MAST4: variants seen among roughly 807,000 people sequenced by gnomAD.
The protein encoded by MAST4 is microtubule associated serine/threonine kinase family member 4, also known as microtubule-associated serine/threonine-protein kinase 4.
In MAST4, 89 loss-of-function variants were observed where a neutral mutation model predicts 162.7. That is an observed-to-expected ratio of 0.55 (90% CI 0.46 to 0.65). MAST4 has a LOEUF of 0.65. MAST4 is among the 30% of genes least tolerant of loss of function. The probability of loss-of-function intolerance (pLI) is 0.00; values close to 1 mark genes in which losing one functional copy is unlikely to be tolerated. For missense variants in MAST4, 3,153 were observed against 3,374.0 expected (o/e 0.93, Z 1.62); for synonymous variants, 1,479 against 1,361.1 (o/e 1.09, Z -1.91).
At chr5:66,791,466 TGAGAA>T (rs1755404207) in intron 3 of MAST4, among the ~76,000 whole-genome samples, 1 of 152,182 alleles carries the variant, frequency 6.6e-6, no homozygotes, top group Non-Finnish European at 1.5e-5. Flanking sequence ...ATAGAAAACA[TGAGAA>T]GAGTACCTCC....
intron 19 of MAST4, among the ~76,000 whole-genome samples, chr5:67,141,757 C>G (rs1770434337): frequency 6.6e-6 from 1 of 152,168 alleles, no homozygotes; most frequent in African/African-American, 2.4e-5. Context: ...TAGAATTTCT[C>G]TGGGTTTTTA....
intron 1 of MAST4, among the ~76,000 whole-genome samples, chr5:66,747,667 G>T (rs1752853292): frequency 6.6e-6 from 1 of 152,172 alleles, no homozygotes; most frequent in Non-Finnish European, 1.5e-5. Context: ...GGTCATCTCA[G>T]CAAGGTGACG....
At chr5:66,676,590 A>G (rs1365018476) in intron 1 of MAST4, among the ~76,000 whole-genome samples, 2 of 152,216 alleles carry the variant, frequency 1.3e-5, no homozygotes, top group African/African-American at 4.8e-5. Flanking sequence ...ATAGAGAGCA[A>G]TATGAGACAG....
intron 3 of MAST4, among the ~76,000 whole-genome samples, chr5:66,864,171 T>A (rs1181840656): frequency 1.3e-5 from 2 of 151,382 alleles, no homozygotes; most frequent in African/African-American, 4.8e-5. Flanking sequence ...ACATATACAG[T>A]ATTATGTCCA....
chr5:67,149,692 T>C, intron 24 of MAST4, 103 bp downstream of exon 24: 1 of 1,130,282 alleles, frequency 8.8e-7, no homozygotes, highest in East Asian at 2.5e-5. Context: ...TTGCTTGAAG[T>C]AATAACGGGT....
chr5:67,090,010 C>T (rs886687360), intron 5 of MAST4, among the ~76,000 whole-genome samples, 152 bp from the exon 6 acceptor site: 2 of 152,128 alleles, frequency 1.3e-5, no homozygotes, highest in African/African-American at 4.8e-5. Flanking sequence ...CCGCCCACCC[C>T]ACCATCCCTG....
At chr5:66,982,894 A>C (rs189323925) in intron 4 of MAST4, among the ~76,000 whole-genome samples, 180 of 152,342 alleles carry the variant, frequency 1.2e-3, no homozygotes, top group Non-Finnish European at 2.0e-3. Flanking sequence ...TTACACAACT[A>C]TACAGGGTTC....
At chr5:67,009,858 G>T (rs1159277560) in intron 4 of MAST4, among the ~76,000 whole-genome samples, 1 of 152,126 alleles carries the variant, frequency 6.6e-6, no homozygotes, top group Non-Finnish European at 1.5e-5. Flanking sequence ...AAAAGATTTT[G>T]CAGGGCTAGA....
At position 66,829,553 on chromosome 5, in the gene MAST4, G is replaced by A. The variant is rs992616782; in HGVS notation, c.642+40759G>A. The stretch of plus-strand genomic sequence containing the variant: ...ACAACAACAACAAAACATCTGCTTG[G>A]CAGTTTATAAGTTTAAGGAAGCCAG... On this transcript the variant is annotated intron_variant, in intron 3 of 28. Coordinates refer to ENST00000403625, the MANE Select transcript of MAST4 (RefSeq NM_001164664.2). Among the ~76,000 whole-genome samples, 40 of 152,072 alleles carry A rather than the reference G, an allele frequency of 2.6e-4. 1 individual carries two copies. Among genetic ancestry groups the A allele is most frequent in the Non-Finnish European group, 5.9e-5 (4 of 68,016 alleles).
intron 3 of MAST4, among the ~76,000 whole-genome samples, chr5:66,881,428 T>A (rs972398968): frequency 1.3e-5 from 2 of 152,244 alleles, no homozygotes; most frequent in African/African-American, 4.8e-5. Flanking sequence ...AGGAAAATTA[T>A]ATTCAGTCCA....
chr5:67,070,441 C>G (rs927667814), intron 5 of MAST4, among the ~76,000 whole-genome samples: 2 of 152,168 alleles, frequency 1.3e-5, no homozygotes, highest in Non-Finnish European at 2.9e-5. Flanking sequence ...GCCTATCTAA[C>G]CTGAATTCTG....
rs1554084489 is a variant in MAST4, at chr5:67,033,315, C to CTCTGTGTGTGTGTGTGTG, written c.675-21088_675-21087insCTGTGTGTGTGTGTGTGT. 1.4e-3 allele frequency among the ~76,000 whole-genome samples: 179 copies of CTCTGTGTGTGTGTGTGTG among 125,986 alleles called. 2 individuals carry two copies. Among genetic ancestry groups the CTCTGTGTGTGTGTGTGTG allele is most frequent in the African/African-American group, 4.9e-3 (159 of 32,280 alleles). 82.7% of individuals were successfully genotyped at this position (125,986 alleles called of 152,430 possible). A position where few individuals can be genotyped will look rare whatever the true frequency, so the allele number is the denominator to read the frequency against. ...ATTACTTTTTTGGGTTTTCATTTCT[C>CTCTGTGTGTGTGTGTGTG]TGTGTGTGTGTGTGTGTGTGTGTGT... On this transcript the variant is annotated intron_variant, in intron 4 of 28. Coordinates refer to ENST00000403625, the MANE Select transcript of MAST4 (RefSeq NM_001164664.2).
At chr5:66,980,483 T>C (rs999612347) in intron 4 of MAST4, among the ~76,000 whole-genome samples, 33 of 152,346 alleles carry the variant, frequency 2.2e-4, no homozygotes, top group African/African-American at 7.9e-4. Context: ...GGAAACAGGA[T>C]TGATCCCACT....
chr5:66,784,062 G>C (rs1754998586), intron 2 of MAST4, among the ~76,000 whole-genome samples: 1 of 152,014 alleles, frequency 6.6e-6, no homozygotes, highest in Non-Finnish European at 1.5e-5. Context: ...CCTTGACTTT[G>C]ATGTTGAGAT....
rs1754780245 is a variant in MAST4 at position 66,779,973 on chromosome 5, T to C, written c.518-8697T>C. Among the ~76,000 whole-genome samples the C allele has an allele frequency of 1.3e-5, 2 of 152,202 alleles. 1 individual carries two copies. Among genetic ancestry groups the C allele is most frequent in the South Asian group, 4.1e-4 (2 of 4,828 alleles). On this transcript the variant is annotated intron_variant, in intron 2 of 28. Coordinates refer to ENST00000403625, the MANE Select transcript of MAST4 (RefSeq NM_001164664.2). The stretch of plus-strand genomic sequence containing the variant: ...TTATAGTTAATGTGGATACCTCCTT[T>C]TGGACAACAAAAAGGATCCTCTTAT...
intron 1 of MAST4, among the ~76,000 whole-genome samples, chr5:66,661,149 C>G (rs1317372976): frequency 6.6e-6 from 1 of 152,124 alleles, no homozygotes; most frequent in Admixed American, 6.5e-5. Context: ...AGTGGCTTTA[C>G]CCTAATAGAG....
intron 1 of MAST4, among the ~76,000 whole-genome samples, chr5:66,738,576 A>C (rs1329695144): frequency 6.6e-6 from 1 of 152,218 alleles, no homozygotes; most frequent in African/African-American, 2.4e-5. Flanking sequence ...CCAGCAAGTA[A>C]AATGTGCAGT....
At position 67,031,684 on chromosome 5, in the gene MAST4, G is replaced by A. The variant is rs906178444; in HGVS notation, c.675-22720G>A. Among the ~76,000 whole-genome samples the A allele has an allele frequency of 1.4e-4, 21 of 152,170 alleles. 1 individual carries two copies. The highest frequency in any genetic ancestry group is 1.5e-5 in the Non-Finnish European group (1 of 68,006). On this transcript the variant is annotated intron_variant, in intron 4 of 28. Transcript: ENST00000403625. The stretch of plus-strand genomic sequence containing the variant: ...TGATTGTGCTGATCTGTTAGCTGGA[G>A]AAAGAGCAGGAATCATCTTGTTCCC...
At chr5:66,739,546 C>T (rs562974255) in intron 1 of MAST4, among the ~76,000 whole-genome samples, 2 of 152,290 alleles carry the variant, frequency 1.3e-5, no homozygotes, top group African/African-American at 4.8e-5. Context: ...TTTCAGTCTT[C>T]TCTTCACTCC....
Sources: allele counts gnomAD v4.1 joint callset (sites outside exome capture counted in the v4.1 genomes callset), GRCh38; gene constraint gnomAD v4.1.1; transcripts MANE v1.5; gene names NCBI Gene and HGNC (gene_info 2026-07-23, HGNC 2026-07-21).